Variants in ZNF362 observed in about 807,000 individuals in gnomAD.
The protein encoded by ZNF362 is rotund homolog.
A neutral mutation model predicts 42.9 loss-of-function variants in ZNF362; 11 were observed. That is an observed-to-expected ratio of 0.26 (90% CI 0.16 to 0.42). The LOEUF (loss-of-function observed/expected upper bound fraction) is 0.42, where lower values mean the gene tolerates loss of function less well. ZNF362 is among the 20% of genes least tolerant of loss of function. ZNF362 has a pLI of 1.00. For missense variants in ZNF362, 362 were observed against 576.2 expected (o/e 0.63, Z 3.81); for synonymous variants, 255 against 257.3 (o/e 0.99, Z 0.09).
At chr1:33,165,603 C>A in the ZNF362 span, 1 of 1,548,646 alleles carries the variant, frequency 6.5e-7, no homozygotes, top group Non-Finnish European at 8.8e-7. The surrounding 1 kb of genome is among the most constrained non-coding windows in gnomAD (Gnocchi z 4.0). Context: ...GGGCAGGGGC[C>A]ATGCCTGGCC....
At chr1:33,199,103 G>GA in the ZNF362 span, among the ~76,000 whole-genome samples, 1 of 151,902 alleles carries the variant, frequency 6.6e-6, no homozygotes, top group African/African-American at 2.4e-5. Context: ...GGGAAGAAAA[G>GA]AAAAAAATTG....
At chr1:33,227,862 T>C in the ZNF362 span, among the ~76,000 whole-genome samples, 1 of 13,440 alleles carries the variant, frequency 7.4e-5, no homozygotes, top group Non-Finnish European at 2.1e-4. Flanking sequence ...GAAGGGATCT[T>C]TTTTTTTTCC....
chr1:33,208,484 G>C, the ZNF362 span, among the ~76,000 whole-genome samples: 1 of 152,070 alleles, frequency 6.6e-6, no homozygotes, highest in South Asian at 2.1e-4. Context: ...GTGGTAGCTT[G>C]ATGGGGATAG....
At chr1:33,226,628 G>A in the ZNF362 span, among the ~76,000 whole-genome samples, 1 of 152,210 alleles carries the variant, frequency 6.6e-6, no homozygotes, top group Admixed American at 6.5e-5. Context: ...ATTTTGAGAG[G>A]CTGAGGTGGG....
chr1:33,239,036 A>G, the ZNF362 span, among the ~76,000 whole-genome samples: 10 of 152,360 alleles, frequency 6.6e-5, no homozygotes, highest in Non-Finnish European at 1.2e-4. Flanking sequence ...GGTTGAGGGC[A>G]TGGAGACTAC....
chr1:33,251,446 C>T, the ZNF362 span, among the ~76,000 whole-genome samples: 1 of 152,212 alleles, frequency 6.6e-6, no homozygotes, highest in African/African-American at 2.4e-5. Context: ...CTGAAAGTCT[C>T]CTCACTGCCC....
In ZNF362 at chr1:33,271,685, T is replaced by C. The variant is rs527577292; in HGVS notation, c.38+1073T>C. Reference sequence around the variant, plus strand: ...ATGGCTGAGATGGGTGTGAGGTGAGTGGGGAGGGAGGGCGAGTGTGGTAGA... The same window carrying C: ...ATGGCTGAGATGGGTGTGAGGTGAGCGGGGAGGGAGGGCGAGTGTGGTAGA... On this transcript the variant is annotated intron_variant, in intron 2 of 8. Transcript: ENST00000539719. Among the ~76,000 whole-genome samples, 12 of 151,216 alleles carry C rather than the reference T, an allele frequency of 7.9e-5. No homozygotes were observed. The East Asian group carries it at 1.9e-3, about 25-fold the overall frequency.
the ZNF362 span, among the ~76,000 whole-genome samples, chr1:33,139,111 A>G: frequency 1.3e-5 from 2 of 152,214 alleles, no homozygotes; most frequent in Admixed American, 6.5e-5. Context: ...AATGAGCACA[A>G]GTTATGTTAT....
At chr1:33,138,640 A>G in the ZNF362 span, among the ~76,000 whole-genome samples, 144 of 149,502 alleles carry the variant, frequency 9.6e-4, 3 homozygotes, top group African/African-American at 3.0e-3. Context: ...AAAAAAAAAA[A>G]AAAAAGAAAA....
intron 8 of ZNF362, among the ~76,000 whole-genome samples, chr1:33,295,532 C>T (rs531117647): frequency 1.3e-5 from 2 of 152,390 alleles, no homozygotes; most frequent in Non-Finnish European, 2.9e-5. Flanking sequence ...GCCTCCTGCT[C>T]ACCTTTAGCC....
At chr1:33,171,208 A>G in the ZNF362 span, among the ~76,000 whole-genome samples, 1 of 152,226 alleles carries the variant, frequency 6.6e-6, no homozygotes, top group African/African-American at 2.4e-5. Context: ...AGGAAACTGG[A>G]GCCTGATAAA....
the ZNF362 span, chr1:33,165,387 G>C: frequency 1.2e-5 from 13 of 1,117,332 alleles, no homozygotes; most frequent in African/African-American, 1.6e-5. This position sits in a 1 kb window ranked among gnomAD's most constrained non-coding sequence, Gnocchi z 4.0. Context: ...CCGAGGCCCC[G>C]CCCCTCTTCC....
the ZNF362 span, among the ~76,000 whole-genome samples, chr1:33,212,710 T>A: frequency 6.6e-6 from 1 of 152,102 alleles, no homozygotes; most frequent in South Asian, 2.1e-4. Flanking sequence ...AGATCTTGTG[T>A]GAACTCATTC....
At chr1:33,231,233 G>A in the ZNF362 span, among the ~76,000 whole-genome samples, 2 of 152,138 alleles carry the variant, frequency 1.3e-5, no homozygotes, top group Non-Finnish European at 2.9e-5. Flanking sequence ...AGAAGGAAGC[G>A]GAGCTGGGCC....
chr1:33,220,973 G>C, the ZNF362 span, among the ~76,000 whole-genome samples: 1 of 152,192 alleles, frequency 6.6e-6, no homozygotes, highest in Non-Finnish European at 1.5e-5. Context: ...TGGCCCATCA[G>C]ATTGACAGGG....
chr1:33,186,342 T>C, the ZNF362 span, among the ~76,000 whole-genome samples: 4 of 152,106 alleles, frequency 2.6e-5, no homozygotes, highest in Non-Finnish European at 5.9e-5. Flanking sequence ...GCTGAAGTGC[T>C]CTCTGGTGTT....
At chr1:33,275,886 G>A (rs569663197) in intron 2 of ZNF362, among the ~76,000 whole-genome samples, 2 of 152,122 alleles carry the variant, frequency 1.3e-5, no homozygotes, top group Non-Finnish European at 2.9e-5. Flanking sequence ...CCACTAAGGG[G>A]GGGTGGTGGG....
chr1:33,206,618 G>GA, the ZNF362 span, among the ~76,000 whole-genome samples: 1 of 151,690 alleles, frequency 6.6e-6, no homozygotes, highest in East Asian at 1.9e-4. Flanking sequence ...TGTAAAAAGA[G>GA]AAAAAAATAC....
chr1:33,286,492 AT>A (rs1031184426), intron 6 of ZNF362, among the ~76,000 whole-genome samples: 22 of 150,478 alleles, frequency 1.5e-4, no homozygotes, highest in Non-Finnish European at 2.8e-4. Context: ...TGAGGGCACA[AT>A]TTTTTTTTTC....
Sources: gnomAD v4.1 joint callset for allele counts (sites outside exome capture counted in the v4.1 genomes callset) on GRCh38, gnomAD v4.1.1 for gene constraint, Gnocchi (gnomAD v3.1) non-coding constraint, MANE v1.5 for transcripts, NCBI Gene and HGNC (gene_info 2026-07-23, HGNC 2026-07-21) for gene names.